The following ZNF385D variants were observed in gnomAD, a reference collection of about 807,000 sequenced individuals.
The protein encoded by ZNF385D is zinc finger protein 385D.
A neutral mutation model predicts 35.8 loss-of-function variants in ZNF385D; 15 were observed. The ratio of observed to expected loss-of-function variants is 0.42; its 90% confidence interval spans 0.28 to 0.64. The LOEUF is 0.64. Ranked by LOEUF, ZNF385D falls within the 30% of genes least tolerant of loss-of-function variation. ZNF385D has a pLI of 0.23. For synonymous variants in ZNF385D, 212 were observed against 186.8 expected, an observed-to-expected ratio of 1.13 and a Z score of -1.10; for missense variants, 474 against 494.6, an observed-to-expected ratio of 0.96 and a Z score of 0.39.
chr3:21,901,895 G>T (rs111723868), intron 3 of ZNF385D, among the ~76,000 whole-genome samples: 2 of 152,274 alleles, frequency 1.3e-5, no homozygotes, highest in African/African-American at 4.8e-5. Context: ...ACACAGAAGA[G>T]CGTTCAGTCT....
Position 21,986,871 on chromosome 3 carries a change from AT to A in ZNF385D, c.325+181945del, listed in dbSNP as rs797020923. On this transcript the variant is annotated intron_variant, in intron 3 of 5. Transcript: ENST00000494108. ...GTGCTCCTGTATTGGGTGCATATAT[AT>A]TTAGGATAGTTAGCTCCTCTTGTTG... 5.9e-5 allele frequency among the ~76,000 whole-genome samples: 3 copies of A among 50,584 alleles called. No individual in the cohort carries two copies. The South Asian group carries it at 2.4e-3, about 40-fold the overall frequency. The allele number at this position is 50,584 out of a possible 152,430, so 33.2% of individuals were successfully genotyped here.
chr3:22,114,523 A>G (rs1188232339), intron 3 of ZNF385D, among the ~76,000 whole-genome samples: 1 of 152,064 alleles, frequency 6.6e-6, no homozygotes, highest in East Asian at 1.9e-4. Context: ...AGGAAGCATT[A>G]GGTATTAGGG....
intron 3 of ZNF385D, among the ~76,000 whole-genome samples, chr3:22,075,076 A>G (rs890180303): frequency 6.6e-6 from 1 of 151,968 alleles, no homozygotes; most frequent in Non-Finnish European, 1.5e-5. Context: ...TACTAATTAC[A>G]AGGCCCCACT....
chr3:21,937,309 T>A (rs1370314382), intron 3 of ZNF385D, among the ~76,000 whole-genome samples: 1 of 152,180 alleles, frequency 6.6e-6, no homozygotes, highest in African/African-American at 2.4e-5. Context: ...CTCTGTCATC[T>A]AATTTCACCA....
At chr3:21,686,615 A>C (rs1234420128) in intron 1 of ZNF385D, among the ~76,000 whole-genome samples, 2 of 152,230 alleles carry the variant, frequency 1.3e-5, no homozygotes, top group African/African-American at 4.8e-5. Context: ...TTTCATGTAC[A>C]AAGCCTTTGA....
intron 2 of ZNF385D, among the ~76,000 whole-genome samples, chr3:22,331,123 T>C (rs1694915442): frequency 6.6e-6 from 1 of 152,238 alleles, no homozygotes; most frequent in African/African-American, 2.4e-5. Flanking sequence ...CATAAATTGA[T>C]TTAAGAACTG....
At chr3:22,267,996 G>T (rs1700981526) in intron 2 of ZNF385D, among the ~76,000 whole-genome samples, 1 of 151,936 alleles carries the variant, frequency 6.6e-6, no homozygotes, top group Non-Finnish European at 1.5e-5. Flanking sequence ...ATAACTGAAA[G>T]AAAGCAAATA....
rs2065762710 is a variant in ZNF385D at position 21,646,730 on chromosome 3, T to C, written c.165+18156A>G. On this transcript the variant is annotated intron_variant, in intron 2 of 7. Coordinates refer to ENST00000281523, the MANE Select transcript of ZNF385D (RefSeq NM_024697.3). The surrounding 1 kb of genome is among the most constrained non-coding windows in gnomAD (Gnocchi z 4.3). ...CAGAGGCCTGTACAGACCCTTCCAG[T>C]TACTTTCCTTCCTTATATCATCTGG... Among the ~76,000 whole-genome samples the C allele has an allele frequency of 6.6e-6, 1 of 152,192 alleles. No individual in the cohort carries two copies. Among genetic ancestry groups the C allele is most frequent in the Non-Finnish European group, 1.5e-5 (1 of 68,030 alleles).
chr3:22,127,317 C>CCTTTTTTTTTT (rs1703492425), intron 3 of ZNF385D, among the ~76,000 whole-genome samples: 5 of 56,308 alleles, frequency 8.9e-5, no homozygotes, highest in African/African-American at 3.9e-4. Flanking sequence ...TCATTTCCTG[C>CCTTTTTTTTTT]TTTTTTTTTT....
chr3:21,601,447 A>G (rs1267552933), intron 2 of ZNF385D, among the ~76,000 whole-genome samples: 1 of 152,226 alleles, frequency 6.6e-6, no homozygotes, highest in African/African-American at 2.4e-5. Flanking sequence ...AAGTAACACA[A>G]GATTGTAGGC....
intron 2 of ZNF385D, among the ~76,000 whole-genome samples, chr3:22,259,237 T>C (rs1346494733): frequency 6.6e-6 from 1 of 151,958 alleles, no homozygotes; most frequent in African/African-American, 2.4e-5. Flanking sequence ...TGTAATAATA[T>C]CATCTCTGAG....
At chr3:22,194,398 A>G (rs1405829) in intron 2 of ZNF385D, among the ~76,000 whole-genome samples, 29,518 of 151,638 alleles carry the variant, frequency 0.19, 2,965 homozygotes, top group African/African-American at 0.21. Context: ...GGTGCATAAT[A>G]TAGAGTTAGT....
At chr3:22,007,493 G>A (rs2125428164) in intron 3 of ZNF385D, among the ~76,000 whole-genome samples, 1 of 152,296 alleles carries the variant, frequency 6.6e-6, no homozygotes, top group East Asian at 1.9e-4. Context: ...TATATCCTCA[G>A]GGCATGTGGC....
intron 2 of ZNF385D, among the ~76,000 whole-genome samples, chr3:21,602,084 C>G (rs772163044): frequency 1.4e-4 from 22 of 152,130 alleles, no homozygotes; most frequent in Non-Finnish European, 2.6e-4. Flanking sequence ...GAAGGGGGAG[C>G]AAAGGCAGGT....
At chr3:21,639,946 C>T (rs905905497) in intron 2 of ZNF385D, among the ~76,000 whole-genome samples, 6 of 151,930 alleles carry the variant, frequency 3.9e-5, no homozygotes, top group Non-Finnish European at 8.8e-5. Flanking sequence ...AAGAAACAAT[C>T]CAAAGACACT....
chr3:21,512,688 T>C (rs970538577), intron 3 of ZNF385D, among the ~76,000 whole-genome samples: 1 of 152,190 alleles, frequency 6.6e-6, no homozygotes, highest in Non-Finnish European at 1.5e-5. Context: ...AAATATGAAG[T>C]TAAGACATGC....
chr3:21,980,288 G>C (rs567232356), intron 3 of ZNF385D, among the ~76,000 whole-genome samples: 2 of 152,232 alleles, frequency 1.3e-5, no homozygotes, highest in African/African-American at 4.8e-5. Context: ...AACTTCACAA[G>C]AAACCGTGAA....
intron 1 of ZNF385D, among the ~76,000 whole-genome samples, chr3:21,695,766 T>C (rs62237450): frequency 0.01 from 1,572 of 151,176 alleles, 12 homozygotes; most frequent in Non-Finnish European, 0.017. Context: ...ATTATATATA[T>C]ATATAAAGTT....
At chr3:22,028,505 G>C (rs931212642) in intron 3 of ZNF385D, among the ~76,000 whole-genome samples, 1 of 152,186 alleles carries the variant, frequency 6.6e-6, no homozygotes, top group African/African-American at 2.4e-5. Flanking sequence ...TCCTCGGGGT[G>C]ATCAGCCAGC....
Sources: gnomAD v4.1 joint callset for allele counts (sites outside exome capture counted in the v4.1 genomes callset) on GRCh38, gnomAD v4.1.1 for gene constraint, Gnocchi (gnomAD v3.1) non-coding constraint, MANE v1.5 for transcripts, NCBI Gene and HGNC (gene_info 2026-07-23, HGNC 2026-07-21) for gene names.